STK4: variants seen among roughly 807,000 people sequenced by gnomAD.
STK4 encodes serine/threonine kinase 4, also known as serine/threonine-protein kinase 4.
A neutral mutation model predicts 64.9 loss-of-function variants in STK4; 30 were observed. The observed-to-expected ratio is 0.46, with a 90% CI of 0.35 to 0.63. STK4 has a LOEUF of 0.63. STK4 is among the 20% of genes least tolerant of loss of function. The pLI, the probability that STK4 is intolerant of heterozygous loss-of-function variation, is 0.01. For synonymous variants in STK4, 177 were observed against 199.0 expected, an observed-to-expected ratio of 0.89 and a Z score of 0.93; for missense variants, 466 against 598.5, an observed-to-expected ratio of 0.78 and a Z score of 2.31.
At chr20:45,008,709 C>G (rs561223103) in intron 9 of STK4, among the ~76,000 whole-genome samples, 2 of 151,926 alleles carry the variant, frequency 1.3e-5, no homozygotes, top group South Asian at 2.1e-4. Context: ...GTTTTCTGAC[C>G]TTTTTTTTAG....
intron 10 of STK4, among the ~76,000 whole-genome samples, chr20:45,067,572 A>G (rs1979686539): frequency 6.6e-6 from 1 of 152,188 alleles, no homozygotes; most frequent in African/African-American, 2.4e-5. Context: ...TGACAAGGGA[A>G]GAGGAAGCTC....
intron 9 of STK4, among the ~76,000 whole-genome samples, chr20:45,009,214 A>G (rs991847085): frequency 9.8e-5 from 15 of 152,308 alleles, no homozygotes; most frequent in African/African-American, 3.1e-4. Flanking sequence ...ATTTTTATAT[A>G]TGGTGAAAGA....
chr20:45,068,667 GT>G (rs1979798112), intron 10 of STK4, among the ~76,000 whole-genome samples: 1 of 152,082 alleles, frequency 6.6e-6, no homozygotes, highest in Non-Finnish European at 1.5e-5. Flanking sequence ...GTTTCTTCCA[GT>G]TGCTTGTTGT....
rs766630225 is a variant in STK4 at position 45,001,120 on chromosome 20, A to T, written c.961-47A>T. On this transcript the variant is annotated intron_variant, in intron 8 of 10. Transcript: ENST00000372806. Reference sequence around the variant, plus strand: ...GGTAGTAGTTATTCAGAAAACTCAAAGTCTTTTGTCAAATTAGCCCCAATT... The same window carrying T: ...GGTAGTAGTTATTCAGAAAACTCAATGTCTTTTGTCAAATTAGCCCCAATT... 1.2e-5 allele frequency: 19 copies of T among 1,564,920 alleles called. No individual in the cohort carries two copies. The South Asian group carries it at 2.2e-4, about 18-fold the overall frequency.
chr20:45,025,923 A>G (rs2068336394), intron 10 of STK4, among the ~76,000 whole-genome samples: 1 of 152,200 alleles, frequency 6.6e-6, no homozygotes, highest in East Asian at 1.9e-4. Context: ...ACTGGCCTAG[A>G]GGAAATGACG....
intron 10 of STK4, among the ~76,000 whole-genome samples, chr20:45,044,118 C>G (rs2068656190): frequency 6.6e-6 from 1 of 152,204 alleles, no homozygotes; most frequent in Non-Finnish European, 1.5e-5. Context: ...CCTTACATCT[C>G]TATACAATAA....
chr20:44,981,424 G>T (rs2067437448), intron 3 of STK4, among the ~76,000 whole-genome samples: 1 of 151,934 alleles, frequency 6.6e-6, no homozygotes, highest in Non-Finnish European at 1.5e-5. Flanking sequence ...CAAAGTGTTG[G>T]GATTACAGGT....
At chr20:44,974,155 T>A (rs1568679869) in intron 2 of STK4, 2 of 152,300 alleles carry the variant, frequency 1.3e-5, no homozygotes, top group Non-Finnish European at 2.9e-5. Flanking sequence ...CCTTAAGTGA[T>A]CCTCCTGCCT....
At chr20:44,992,734 A>T (rs1032494333) in intron 5 of STK4, among the ~76,000 whole-genome samples, 23 of 151,752 alleles carry the variant, frequency 1.5e-4, no homozygotes, top group Admixed American at 1.4e-3. Context: ...TCGCTCTGTC[A>T]CCTAGGCTAG....
At position 45,019,091 on chromosome 20, in the gene STK4, A is replaced by C. The variant is rs552233348; in HGVS notation, c.1148-5882A>C. Among the ~76,000 whole-genome samples the C allele has an allele frequency of 1.4e-3, 211 of 152,282 alleles. 1 individual carries two copies. Among genetic ancestry groups the C allele is most frequent in the Non-Finnish European group, 2.4e-3 (162 of 68,018 alleles). ...TAAAATTTGCCATTTTAAAGCATAG[A>C]ATTCAGTGTTTTTTTAGGATATTAA... On this transcript the variant is annotated intron_variant, in intron 9 of 10. Coordinates refer to ENST00000372806, the MANE Select transcript of STK4 (RefSeq NM_006282.5).
intron 4 of STK4, among the ~76,000 whole-genome samples, chr20:44,982,778 A>T (rs2067464140): frequency 6.6e-6 from 1 of 152,184 alleles, no homozygotes; most frequent in Non-Finnish European, 1.5e-5. Context: ...GGCCTGAAGG[A>T]TCTAATAGTA....
chr20:45,037,522 T>C (rs1370546148), intron 10 of STK4, among the ~76,000 whole-genome samples: 1 of 152,178 alleles, frequency 6.6e-6, no homozygotes, highest in Non-Finnish European at 1.5e-5. Flanking sequence ...CACCAAACTG[T>C]TAATTCAAAA....
intron 2 of STK4, among the ~76,000 whole-genome samples, chr20:44,978,188 G>A (rs1301577424): frequency 6.6e-6 from 1 of 151,326 alleles, no homozygotes; most frequent in Non-Finnish European, 1.5e-5. Context: ...GCAGTGCATG[G>A]CAGCTACTAT....
chr20:45,041,685 CT>C (rs11477080), intron 10 of STK4, among the ~76,000 whole-genome samples: 70,011 of 145,686 alleles, frequency 0.48, 16,737 homozygotes, highest in Middle Eastern at 0.55. Flanking sequence ...GCGTGTTTAG[CT>C]TTTTTTTTTT....
At chr20:45,054,264 AT>A (rs1261013853) in intron 10 of STK4, among the ~76,000 whole-genome samples, 2 of 152,158 alleles carry the variant, frequency 1.3e-5, no homozygotes, top group Admixed American at 1.3e-4. Context: ...GTGACATTTC[AT>A]TAAAAGTGCA....
At position 45,075,213 on chromosome 20, in the gene STK4, G is replaced by C. The variant is rs768050413; in HGVS notation, c.*37G>C. On this transcript the variant is annotated 3_prime_UTR_variant, in exon 11 of 11. Coordinates refer to ENST00000372806, the MANE Select transcript of STK4 (RefSeq NM_006282.5). ...CTGTGAGGGCCCCAGCTCCACCCAGGCTTTGGGTGAATTCTGGATGGCTTG... is the reference window on the plus strand; with the variant it reads ...CTGTGAGGGCCCCAGCTCCACCCAGCCTTTGGGTGAATTCTGGATGGCTTG... The C allele has an allele frequency of 1.9e-6, 3 of 1,605,886 alleles. No individual in the cohort carries two copies. Among genetic ancestry groups the C allele is most frequent in the South Asian group, 1.1e-5 (1 of 90,502 alleles).
intron 10 of STK4, among the ~76,000 whole-genome samples, chr20:45,041,000 T>G (rs6065777): frequency 0.25 from 38,647 of 152,058 alleles, 5,600 homozygotes; most frequent in Middle Eastern, 0.43. Flanking sequence ...GTTAAAGATT[T>G]GTGTTGCAGC....
In STK4 at chr20:45,001,075, G is replaced by A. The variant is rs371585212; in HGVS notation, c.961-92G>A. On this transcript the variant is annotated intron_variant, in intron 8 of 10. Coordinates refer to ENST00000372806, the MANE Select transcript of STK4 (RefSeq NM_006282.5). ...AGGACCTGAATAAGTGTTAAATCTC[G>A]AAATATTTTCACTAAGACAGGTAGT... 2.3e-5 allele frequency: 31 copies of A among 1,376,910 alleles called. No individual in the cohort carries two copies. The African/African-American group carries it at 2.6e-4, about 12-fold the overall frequency. 85.3% of individuals were successfully genotyped at this position (1,376,910 alleles called of 1,614,324 possible).
chr20:45,042,003 T>G (rs1455291894), intron 10 of STK4, among the ~76,000 whole-genome samples: 1 of 152,094 alleles, frequency 6.6e-6, no homozygotes, highest in Non-Finnish European at 1.5e-5. Context: ...TAATTTGAAG[T>G]CAGAAAAGAA....
Sources: allele counts gnomAD v4.1 joint callset (sites outside exome capture counted in the v4.1 genomes callset), GRCh38; gene constraint gnomAD v4.1.1; transcripts MANE v1.5; gene names NCBI Gene and HGNC (gene_info 2026-07-23, HGNC 2026-07-21).